The following HMGCLL1 variants were observed in gnomAD, a reference collection of about 807,000 sequenced individuals.
HMGCLL1 encodes the protein 3-hydroxy-3-methylglutaryl-CoA lyase like 1.
In HMGCLL1, 36 loss-of-function variants were observed where a neutral mutation model predicts 39.1. That is an observed-to-expected ratio of 0.92 (90% CI 0.71 to 1.22). HMGCLL1 has a LOEUF of 1.22. HMGCLL1 is among the 50% of genes most tolerant of loss of function. The pLI is 0.00. For missense variants in HMGCLL1, 451 were observed against 416.5 expected (o/e 1.08, Z -0.72); for synonymous variants, 149 against 144.0 (o/e 1.03, Z -0.25).
At chr6:55,593,209 C>A in the HMGCLL1 span, among the ~76,000 whole-genome samples, 2 of 152,044 alleles carry the variant, frequency 1.3e-5, no homozygotes, top group Non-Finnish European at 2.9e-5. Flanking sequence ...CCTGACAGAA[C>A]CATATTCATG....
chr6:55,544,475 C>T (rs1439270099), intron 1 of HMGCLL1, among the ~76,000 whole-genome samples: 3 of 152,112 alleles, frequency 2.0e-5, no homozygotes, highest in African/African-American at 4.8e-5. Context: ...CCCAGAACCA[C>T]AGAACCTGTA....
chr6:55,543,625 G>T (rs1769779258), intron 1 of HMGCLL1, among the ~76,000 whole-genome samples: 1 of 144,002 alleles, frequency 6.9e-6, no homozygotes. Flanking sequence ...GGAAGGCCAA[G>T]GCATATTTGC....
intron 1 of HMGCLL1, among the ~76,000 whole-genome samples, chr6:55,578,202 T>C (rs1772138631): frequency 6.6e-6 from 1 of 152,212 alleles, no homozygotes; most frequent in African/African-American, 2.4e-5. Flanking sequence ...TGTTTCAACA[T>C]TTTCATAACA....
intron 1 of HMGCLL1, chr6:55,577,149 G>T (rs1475164096): frequency 1.3e-6 from 2 of 1,599,198 alleles, no homozygotes; most frequent in Non-Finnish European, 1.7e-6. Context: ...AAGCAGTGAA[G>T]GTTTGTTAGA....
the HMGCLL1 span, among the ~76,000 whole-genome samples, chr6:55,630,246 C>A: frequency 6.6e-6 from 1 of 152,112 alleles, no homozygotes; most frequent in Non-Finnish European, 1.5e-5. Context: ...CAAAGGAGAT[C>A]ATTTTTGGAA....
At chr6:55,559,178 C>A (rs1770815539) in intron 1 of HMGCLL1, among the ~76,000 whole-genome samples, 1 of 151,892 alleles carries the variant, frequency 6.6e-6, no homozygotes, top group Non-Finnish European at 1.5e-5. Flanking sequence ...TTGTTCCCGC[C>A]AAAAAAAGTC....
chr6:55,490,251 G>A (rs1317802120), intron 7 of HMGCLL1, among the ~76,000 whole-genome samples: 2 of 152,208 alleles, frequency 1.3e-5, no homozygotes, highest in East Asian at 1.9e-4. Flanking sequence ...AGATCACAAT[G>A]TATATTATTC....
chr6:55,481,348 G>A (rs965864805), intron 7 of HMGCLL1, among the ~76,000 whole-genome samples: 24 of 151,964 alleles, frequency 1.6e-4, no homozygotes, highest in African/African-American at 5.6e-4. Flanking sequence ...GTGACAAAGT[G>A]AGACCCTGTC....
chr6:55,485,091 G>T (rs1050830253), intron 7 of HMGCLL1, among the ~76,000 whole-genome samples: 2 of 152,194 alleles, frequency 1.3e-5, no homozygotes, highest in South Asian at 4.1e-4. Flanking sequence ...TCTGTTCCCA[G>T]TTGTGAAGTG....
At chr6:55,600,085 C>T in the HMGCLL1 span, among the ~76,000 whole-genome samples, 74 of 152,162 alleles carry the variant, frequency 4.9e-4, no homozygotes, top group Non-Finnish European at 9.3e-4. Flanking sequence ...TTTTAATTCT[C>T]TCACATTCAA....
the HMGCLL1 span, among the ~76,000 whole-genome samples, chr6:55,674,072 A>T: frequency 6.6e-6 from 1 of 152,000 alleles, no homozygotes; most frequent in African/African-American, 2.4e-5. Context: ...GACAAAAGGG[A>T]TTGCTTCCAA....
intron 5 of HMGCLL1, among the ~76,000 whole-genome samples, chr6:55,506,493 A>G (rs1045473078): frequency 5.9e-5 from 9 of 151,726 alleles, no homozygotes; most frequent in African/African-American, 2.2e-4. Context: ...GCAGTCAACC[A>G]TGGTCTGAAA....
intron 1 of HMGCLL1, among the ~76,000 whole-genome samples, chr6:55,555,764 A>G (rs1407257566): frequency 6.6e-6 from 1 of 152,224 alleles, no homozygotes; most frequent in Non-Finnish European, 1.5e-5. Context: ...TTATTTGCAT[A>G]TTAGTTATTC....
At chr6:55,589,028 A>G in the HMGCLL1 span, among the ~76,000 whole-genome samples, 20 of 152,162 alleles carry the variant, frequency 1.3e-4, no homozygotes, top group Non-Finnish European at 2.6e-4. Flanking sequence ...CAATAGAAAA[A>G]GAGGGAATCC....
intron 7 of HMGCLL1, among the ~76,000 whole-genome samples, chr6:55,440,927 G>A (rs910499452): frequency 6.6e-6 from 1 of 152,066 alleles, no homozygotes; most frequent in African/African-American, 2.4e-5. Flanking sequence ...CAAAATTTGT[G>A]AAGATAAAAC....
the HMGCLL1 span, among the ~76,000 whole-genome samples, chr6:55,627,881 T>TTATATATATA: frequency 9.2e-5 from 4 of 43,486 alleles, no homozygotes; most frequent in Non-Finnish European, 1.3e-4. Flanking sequence ...ATAAACTCCC[T>TTATATATATA]TATATATATA....
the HMGCLL1 span, among the ~76,000 whole-genome samples, chr6:55,620,017 A>G: frequency 2.0e-5 from 3 of 151,968 alleles, no homozygotes; most frequent in Non-Finnish European, 4.4e-5. Flanking sequence ...AAACAACGGG[A>G]TCTTATTCTT....
chr6:55,569,879 C>A (rs180858407), intron 1 of HMGCLL1, among the ~76,000 whole-genome samples: 1 of 152,290 alleles, frequency 6.6e-6, no homozygotes, highest in African/African-American at 2.4e-5. Flanking sequence ...CACTAGTCAG[C>A]CATTTCCCTT....
At chr6:55,674,302 G>C in the HMGCLL1 span, among the ~76,000 whole-genome samples, 1 of 150,960 alleles carries the variant, frequency 6.6e-6, no homozygotes, top group Non-Finnish European at 1.5e-5. Context: ...ATTTAAAGTA[G>C]AATAAATGAT....
Sources: allele counts gnomAD v4.1 joint callset (sites outside exome capture counted in the v4.1 genomes callset), GRCh38; gene constraint gnomAD v4.1.1; transcripts MANE v1.5; gene names NCBI Gene and HGNC (gene_info 2026-07-23, HGNC 2026-07-21).